TENM2: variants seen among roughly 807,000 people sequenced by gnomAD.
TENM2 encodes teneurin transmembrane protein 2.
Under a neutral mutation model 245.2 loss-of-function variants are expected in TENM2, and 52 were observed. The observed-to-expected ratio is 0.21, with a 90% CI of 0.17 to 0.27. The LOEUF is 0.27. TENM2 is among the 10% of genes least tolerant of loss of function. The pLI is 1.00. For synonymous variants in TENM2, 1,363 were observed against 1,438.9 expected (o/e 0.95, Z 1.19); for missense variants, 3,046 against 3,666.8 (o/e 0.83, Z 4.37).
chr5:166,980,748 T>C, the TENM2 span, among the ~76,000 whole-genome samples: 1 of 152,100 alleles, frequency 6.6e-6, no homozygotes, highest in Non-Finnish European at 1.5e-5. Flanking sequence ...GGGGCCTCTG[T>C]GGTACAGCAG....
the TENM2 span, among the ~76,000 whole-genome samples, chr5:167,064,298 A>G: frequency 6.6e-6 from 1 of 152,186 alleles, no homozygotes; most frequent in Admixed American, 6.5e-5. Flanking sequence ...CCACGGCCCA[A>G]TTTGTTATTC....
rs763530508 is a variant in TENM2, at chr5:168,218,914, C to T, written c.5023C>T (p.Leu1675=). Residue 1675 remains leucine (L), a synonymous_variant, in exon 23 of 29, where the codon CTG becomes TTG. Transcript: ENST00000518659. The surrounding 1 kb of genome is among the most constrained non-coding windows in gnomAD (Gnocchi z 5.2). ...CCTCAAAGTCGTGTCCACACAGAAC[C>T]TGGAGCTTGGTCTCATGACCTATGA... The T allele has an allele frequency of 4.3e-6, 7 of 1,614,000 alleles. No individual in the cohort carries two copies. In the Admixed American group the frequency reaches 5.0e-5, roughly 12 times the overall value.
At chr5:167,825,522 A>G (rs1460264551) in intron 2 of TENM2, among the ~76,000 whole-genome samples, 1 of 151,936 alleles carries the variant, frequency 6.6e-6, no homozygotes, top group African/African-American at 2.4e-5. Flanking sequence ...CATCTCCTAG[A>G]CCTTAACTCA....
chr5:167,484,470 G>A (rs954190052), intron 2 of TENM2, among the ~76,000 whole-genome samples: 12 of 151,972 alleles, frequency 7.9e-5, no homozygotes, highest in African/African-American at 2.9e-4. Flanking sequence ...CAATGAGAGA[G>A]ACCTAGAACA....
the TENM2 span, among the ~76,000 whole-genome samples, chr5:167,024,730 G>A: frequency 6.6e-6 from 1 of 152,182 alleles, no homozygotes; most frequent in African/African-American, 2.4e-5. Context: ...GCAAGCCAGG[G>A]CTAGAATGGT....
intron 13 of TENM2, among the ~76,000 whole-genome samples, chr5:168,174,724 A>G (rs747283577): frequency 6.6e-6 from 1 of 152,200 alleles, no homozygotes; most frequent in Non-Finnish European, 1.5e-5. Context: ...GAGACAGGCC[A>G]AACAGCTCTG....
intron 2 of TENM2, chr5:167,573,869 T>C (rs1218050494): frequency 2.7e-5 from 4 of 150,210 alleles, no homozygotes; most frequent in Non-Finnish European, 4.4e-5. Context: ...ATAAGCATTT[T>C]CTTGCTGGAA....
At chr5:167,188,351 T>C in the TENM2 span, among the ~76,000 whole-genome samples, 2 of 152,186 alleles carry the variant, frequency 1.3e-5, no homozygotes, top group Non-Finnish European at 2.9e-5. Flanking sequence ...TCCAGCTTTA[T>C]GTGGTTTGTG....
intron 2 of TENM2, among the ~76,000 whole-genome samples, chr5:167,594,275 T>C (rs1461004824): frequency 6.6e-6 from 1 of 152,268 alleles, no homozygotes; most frequent in East Asian, 1.9e-4. Context: ...GTATTCCCCA[T>C]TGATAGATAA....
intron 1 of TENM2, among the ~76,000 whole-genome samples, chr5:167,319,046 A>T (rs1252676350): frequency 1.3e-5 from 2 of 152,208 alleles, no homozygotes; most frequent in Non-Finnish European, 2.9e-5. Context: ...TTTAAAAAAA[A>T]ATCTGTTTAT....
chr5:167,338,586 CCTT>C (rs1216781234), intron 1 of TENM2, among the ~76,000 whole-genome samples: 2 of 152,184 alleles, frequency 1.3e-5, no homozygotes, highest in East Asian at 3.9e-4. Context: ...CGTGGTTTTC[CCTT>C]CTTTTAAAAG....
chr5:167,914,299 A>G (rs765239468), intron 3 of TENM2, among the ~76,000 whole-genome samples: 2 of 152,248 alleles, frequency 1.3e-5, no homozygotes, highest in Admixed American at 6.5e-5. Flanking sequence ...TCAAGGAGTC[A>G]GCAAGGCTGA....
intron 1 of TENM2, among the ~76,000 whole-genome samples, chr5:167,342,782 C>T (rs1031467830): frequency 1.3e-5 from 2 of 151,826 alleles, no homozygotes; most frequent in Non-Finnish European, 2.9e-5. Flanking sequence ...CCTCCTCGGC[C>T]TCCCAAAGTG....
chr5:167,645,707 GTA>G (rs1426253349), intron 2 of TENM2, among the ~76,000 whole-genome samples: 1 of 151,462 alleles, frequency 6.6e-6, no homozygotes, highest in Non-Finnish European at 1.5e-5. Context: ...GAGTTTCACA[GTA>G]TGCTATCAAT....
At chr5:167,061,598 AT>A in the TENM2 span, among the ~76,000 whole-genome samples, 1 of 152,184 alleles carries the variant, frequency 6.6e-6, no homozygotes, top group Non-Finnish European at 1.5e-5. Context: ...CACAGAGATA[AT>A]TGATAATCAC....
At chr5:167,998,722 T>C (rs1167868110) in intron 5 of TENM2, among the ~76,000 whole-genome samples, 2 of 152,206 alleles carry the variant, frequency 1.3e-5, no homozygotes, top group African/African-American at 2.4e-5. Context: ...CTTTTTTCAC[T>C]ACAGTAATTC....
chr5:167,474,519 C>CTG, intron 2 of TENM2, among the ~76,000 whole-genome samples: 1 of 147,562 alleles, frequency 6.8e-6, no homozygotes, highest in Admixed American at 6.7e-5. Flanking sequence ...AATAAGTAGA[C>CTG]TTTTTTTTTT....
At position 168,198,943 on chromosome 5, in the gene TENM2, G is replaced by A. The variant is rs113807997; in HGVS notation, c.2991G>A (p.Pro997=). The change falls in exon 16 of 29, where the codon CCG becomes CCA. Residue 997 remains proline, a synonymous_variant. Coordinates refer to ENST00000518659, the Ensembl canonical transcript of TENM2. Reference sequence around the variant, plus strand: ...GCCAGGAGCGCACTGTGTGGCTGCCGTGGAACAGCTTTTACGCCATGGACA... The same window carrying A: ...GCCAGGAGCGCACTGTGTGGCTGCCATGGAACAGCTTTTACGCCATGGACA... 4.5e-3 allele frequency: 7,292 copies of A among 1,614,006 alleles called. 63 individuals are homozygous for A. Among genetic ancestry groups the A allele is most frequent in the African/African-American group, 0.037 (2,789 of 75,040 alleles).
intron 2 of TENM2, among the ~76,000 whole-genome samples, chr5:167,821,695 A>AT (rs1467359595): frequency 1.3e-5 from 2 of 151,940 alleles, no homozygotes; most frequent in African/African-American, 4.8e-5. Flanking sequence ...GTTTTTGGAA[A>AT]TTTTTTTTGT....
Sources: allele counts gnomAD v4.1 joint callset (sites outside exome capture counted in the v4.1 genomes callset), GRCh38; gene constraint gnomAD v4.1.1; non-coding constraint Gnocchi (gnomAD v3.1); transcripts MANE v1.5; gene names NCBI Gene and HGNC (gene_info 2026-07-23, HGNC 2026-07-21).